The following TMEM62 variants were observed in gnomAD, a reference collection of about 807,000 sequenced individuals.
TMEM62 encodes transmembrane protein 62.
TMEM62 carries 41 observed loss-of-function variants against 70.4 expected under a neutral mutation model. That is an observed-to-expected ratio of 0.58 (90% CI 0.45 to 0.76). The LOEUF (loss-of-function observed/expected upper bound fraction) is 0.76. Ranked by LOEUF, TMEM62 falls within the 30% of genes least tolerant of loss-of-function variation. The pLI, the probability that TMEM62 is intolerant of heterozygous loss-of-function variation, is 0.00. For synonymous variants in TMEM62, 268 were observed against 291.0 expected, an observed-to-expected ratio of 0.92 and a Z score of 0.80; for missense variants, 688 against 788.5, an observed-to-expected ratio of 0.87 and a Z score of 1.53.
chr15:43,177,584 A>G (rs1019932178), intron 11 of TMEM62, among the ~76,000 whole-genome samples: 5 of 152,108 alleles, frequency 3.3e-5, no homozygotes, highest in African/African-American at 1.2e-4. Context: ...CAGAATAGCA[A>G]AGACTTGGAA....
chr15:43,175,799 T>G (rs1028006911), intron 11 of TMEM62, among the ~76,000 whole-genome samples: 1 of 152,164 alleles, frequency 6.6e-6, no homozygotes, highest in African/African-American at 2.4e-5. Context: ...AGGTACCAGG[T>G]TCATCTCACT....
At chr15:43,147,231 TGG>T (rs1278837080) in intron 5 of TMEM62, among the ~76,000 whole-genome samples, 1 of 152,242 alleles carries the variant, frequency 6.6e-6, no homozygotes, top group Non-Finnish European at 1.5e-5. Context: ...CCCAAAGTGC[TGG>T]GATTACAGGC....
intron 13 of TMEM62, among the ~76,000 whole-genome samples, chr15:43,182,204 T>C (rs1003472513): frequency 6.6e-6 from 1 of 152,218 alleles, no homozygotes; most frequent in Non-Finnish European, 1.5e-5. Context: ...AACAGTTTCT[T>C]TATTTTACTC....
rs751117290 is a variant in TMEM62 at position 43,151,927 on chromosome 15, T to A, written c.1004T>A (p.Leu335His). 1.4e-5 allele frequency: 23 copies of A among 1,612,518 alleles called. No individual in the cohort carries two copies. In the Admixed American group the frequency reaches 3.7e-4, roughly 26 times the overall value. Residue 335 changes from leucine to histidine, a missense_variant, in exon 8 of 14, where the codon CTT becomes CAT. Physicochemically the swap from Leu to His is moderately conservative, Grantham distance 99 (BLOSUM62 -3). Transcript: ENST00000260403. ...GAACATGAACCACTAGAAAGACTTCTTCACTCAACACACATCAGGTATGTA... is the reference window on the plus strand; with the variant it reads ...GAACATGAACCACTAGAAAGACTTCATCACTCAACACACATCAGGTATGTA... The part of the protein sequence containing the change: ...CGEHEPLERL[L>H]HSTHIRVLAF...
rs2034897349 is a variant in TMEM62, at chr15:43,134,391, G to T, written c.292+23G>T. On this transcript the variant is annotated intron_variant, in intron 2 of 13. Transcript: ENST00000260403. ...CAGGTAGGGAGGCTTGCCGTGCTGT[G>T]GTGGTGGTCTGTGGTCCGCATGGTA... The T allele has an allele frequency of 3.2e-6, 5 of 1,581,440 alleles. 1 individual carries two copies. In the South Asian group the frequency reaches 5.5e-5, roughly 17 times the overall value.
chr15:43,181,245 T>C lies in TMEM62; in HGVS notation c.1551T>C (p.Phe517=). 1 of 1,614,018 alleles carries C rather than the reference T, an allele frequency of 6.2e-7. No individual in the cohort carries two copies. The highest frequency in any genetic ancestry group is 1.1e-5 in the South Asian group (1 of 91,078). Residue 517 remains phenylalanine (F), a synonymous_variant, in exon 13 of 14, where the codon TTT becomes TTC. Coordinates refer to ENST00000260403, the MANE Select transcript of TMEM62 (RefSeq NM_024956.4). ...KFGCCFSFGI[F]VNGHFLQGSI... is the part of the protein sequence containing the mutation. ...GTTGCTGCTTTTCCTTTGGGATATT[T>C]GTTAATGGACATTTCCTACAAGGCA...
At chr15:43,177,149 A>G (rs1415906486) in intron 11 of TMEM62, among the ~76,000 whole-genome samples, 1 of 152,084 alleles carries the variant, frequency 6.6e-6, no homozygotes, top group Non-Finnish European at 1.5e-5. Flanking sequence ...AAAGAATAAA[A>G]AGAAACGAGC....
rs999209340 is a variant in TMEM62, at chr15:43,133,920, C to T, written c.118C>T (p.Pro40Ser). The T allele has an allele frequency of 1.3e-6, 2 of 1,492,728 alleles. No individual in the cohort carries two copies. The highest frequency in any genetic ancestry group is 1.8e-6 in the Non-Finnish European group (2 of 1,128,446). 92.5% of individuals were successfully genotyped at this position (1,492,728 alleles called of 1,614,324 possible). ...GQPSPLPRPAPPRRPHPAPGP... is the reference protein window; with the variant it reads ...GQPSPLPRPASPRRPHPAPGP... ...GCCCTCGCCGCTGCCGCGCCCCGCG[C>T]CCCCCAGGAGGCCGCACCCTGCGCC... The change falls in exon 1 of 14, where the codon CCC becomes TCC. Residue 40 changes from proline to serine, a missense_variant. Transcript: ENST00000260403.
At chr15:43,142,438 C>G (rs2036160004) in intron 4 of TMEM62, among the ~76,000 whole-genome samples, 1 of 152,042 alleles carries the variant, frequency 6.6e-6, no homozygotes, top group South Asian at 2.1e-4. Flanking sequence ...GCTGGGATTA[C>G]AGGGGTGAGC....
At chr15:43,160,888 G>C in intron 10 of TMEM62, 94 bp downstream of exon 10, 1 of 612,200 alleles carries the variant, frequency 1.6e-6, no homozygotes. Flanking sequence ...ACTTTCCATG[G>C]TTTCAGTTAC....
At chr15:43,149,284 A>G (rs999332963) in intron 7 of TMEM62, 133 bp downstream of exon 7, 2 of 927,530 alleles carry the variant, frequency 2.2e-6, no homozygotes. Context: ...TTAAAGTAAT[A>G]TATGTCTCTG....
At chr15:43,145,529 C>G (rs1299165321) in intron 4 of TMEM62, among the ~76,000 whole-genome samples, 1 of 152,016 alleles carries the variant, frequency 6.6e-6, no homozygotes, top group Non-Finnish European at 1.5e-5. Flanking sequence ...TAAAAAATAC[C>G]AAGAAGAAAG....
chr15:43,148,699 A>T (rs747736918), intron 5 of TMEM62, 56 bp from the exon 6 acceptor site: 95 of 1,589,044 alleles, frequency 6.0e-5, no homozygotes, highest in Non-Finnish European at 7.9e-5. Flanking sequence ...ATCTGTTGAC[A>T]TTAGATTTTA....
chr15:43,169,510 T>A, intron 10 of TMEM62, 83 bp from the exon 11 acceptor site: 2 of 1,251,476 alleles, frequency 1.6e-6, no homozygotes, highest in Non-Finnish European at 1.2e-6. Flanking sequence ...CCATTTCCAT[T>A]TTTGTTAATA....
intron 11 of TMEM62, among the ~76,000 whole-genome samples, chr15:43,173,084 C>T (rs1451733838): frequency 1.2e-4 from 18 of 152,144 alleles, no homozygotes; most frequent in Middle Eastern, 3.4e-3. Context: ...AAAAAATAGC[C>T]GGGTGTGGTG....
intron 10 of TMEM62, among the ~76,000 whole-genome samples, chr15:43,162,263 A>G (rs572053663): frequency 5.4e-4 from 81 of 148,956 alleles, no homozygotes; most frequent in Non-Finnish European, 9.1e-4. Flanking sequence ...TCAGCCTCCC[A>G]AGTAGCTGGG....
At chr15:43,163,025 G>A (rs1007276759) in intron 10 of TMEM62, among the ~76,000 whole-genome samples, 2 of 150,676 alleles carry the variant, frequency 1.3e-5, no homozygotes, top group Non-Finnish European at 3.0e-5. Context: ...ATTTTGGTAT[G>A]CTTGGCACAT....
chr15:43,169,556 A>G (rs770294447), intron 10 of TMEM62, 37 bp from the exon 11 acceptor site: 6 of 1,554,054 alleles, frequency 3.9e-6, no homozygotes, highest in African/African-American at 1.4e-5. Context: ...AAGTGTACCC[A>G]TGTATCTATT....
rs1213451964 is a variant in TMEM62, at chr15:43,169,589, GCAGGCCCGGGT to G, written c.1297-2_1305del. 4 of 1,613,036 alleles carry G rather than the reference GCAGGCCCGGGT, an allele frequency of 2.5e-6. No homozygotes were observed. Among genetic ancestry groups the G allele is most frequent in the Non-Finnish European group, 3.4e-6 (4 of 1,179,578 alleles). On this transcript the variant is annotated splice_acceptor_variant and splice_polypyrimidine_tract_variant and coding_sequence_variant and intron_variant, in exon 11 of 14. Transcript: ENST00000260403. LOFTEE classifies it high-confidence loss of function. ...ATTTCACGTTAACATCTATTTCCCT[GCAGGCCCGGGT>G]CCTTTTTGTGCTGATTGTGCTGAGC... is the stretch of plus-strand genomic sequence containing the variant.
Sources: allele counts gnomAD v4.1 joint callset (sites outside exome capture counted in the v4.1 genomes callset), GRCh38; gene constraint gnomAD v4.1.1; transcripts MANE v1.5; gene names NCBI Gene and HGNC (gene_info 2026-07-23, HGNC 2026-07-21).